Variants in CNTN6 observed in about 807,000 individuals in gnomAD.
The protein encoded by CNTN6 is contactin-6.
A neutral mutation model predicts 122.8 loss-of-function variants in CNTN6; 137 were observed. The ratio of observed to expected loss-of-function variants is 1.12; its 90% confidence interval spans 0.97 to 1.29. The LOEUF (loss-of-function observed/expected upper bound fraction) is 1.29, where lower values mean the gene tolerates loss of function less well. Ranked by LOEUF, CNTN6 falls within the 50% of genes most tolerant of loss-of-function variation. The pLI is 0.00. For missense variants in CNTN6, 1,634 were observed against 1,223.4 expected, an observed-to-expected ratio of 1.34 and a Z score of -5.01; for synonymous variants, 570 against 426.0, an observed-to-expected ratio of 1.34 and a Z score of -4.16.
At chr3:1,273,970 A>T (rs1441096038) in intron 4 of CNTN6, among the ~76,000 whole-genome samples, 1 of 152,202 alleles carries the variant, frequency 6.6e-6, no homozygotes, top group Non-Finnish European at 1.5e-5. Context: ...AGAGAATTCA[A>T]TCCAAAGCTT....
At chr3:1,203,800 A>G (rs1357235627) in intron 2 of CNTN6, among the ~76,000 whole-genome samples, 2 of 152,184 alleles carry the variant, frequency 1.3e-5, no homozygotes, top group Non-Finnish European at 2.9e-5. Flanking sequence ...GCACTGCATA[A>G]TAACATTTTG....
At chr3:1,211,127 T>C (rs544530136) in intron 2 of CNTN6, among the ~76,000 whole-genome samples, 1 of 152,222 alleles carries the variant, frequency 6.6e-6, no homozygotes, top group South Asian at 2.1e-4. Flanking sequence ...ATTAGACTTC[T>C]GCGGTAGAAG....
At chr3:1,137,519 T>A (rs568688007) in intron 1 of CNTN6, among the ~76,000 whole-genome samples, 1 of 152,338 alleles carries the variant, frequency 6.6e-6, no homozygotes, top group Admixed American at 6.5e-5. Flanking sequence ...TAGAAGTGTT[T>A]AAGAGGTCAT....
intron 1 of CNTN6, among the ~76,000 whole-genome samples, chr3:1,104,989 T>G (rs899875879): frequency 2.6e-5 from 4 of 152,154 alleles, no homozygotes; most frequent in Non-Finnish European, 5.9e-5. Context: ...CATATCCTTG[T>G]ACCTGAATCT....
intron 11 of CNTN6, among the ~76,000 whole-genome samples, chr3:1,330,576 C>T (rs1472942316): frequency 6.6e-6 from 1 of 151,844 alleles, no homozygotes; most frequent in Non-Finnish European, 1.5e-5. Context: ...GGTGACTAGA[C>T]CACAGATGCT....
chr3:1,260,757 C>T (rs2094832526), intron 4 of CNTN6, among the ~76,000 whole-genome samples: 1 of 151,892 alleles, frequency 6.6e-6, no homozygotes, highest in African/African-American at 2.4e-5. Context: ...TTTAAAGGGG[C>T]TTTTCTCCTT....
intron 20 of CNTN6, among the ~76,000 whole-genome samples, chr3:1,399,857 T>C (rs1357137457): frequency 6.6e-6 from 1 of 152,092 alleles, no homozygotes; most frequent in Non-Finnish European, 1.5e-5. Context: ...CAAGAATAAA[T>C]GTAAACCAAT....
intron 12 of CNTN6, among the ~76,000 whole-genome samples, chr3:1,369,904 G>T (rs1205259426): frequency 1.3e-5 from 2 of 149,436 alleles, no homozygotes; most frequent in Non-Finnish European, 3.0e-5. Context: ...AGTTTTTTAG[G>T]TCATACATTT....
rs1408345987 is a variant in CNTN6 at position 1,397,102 on chromosome 3, TA to T, written c.2705-4330del. On this transcript the variant is annotated intron_variant, in intron 20 of 22. Coordinates refer to ENST00000446702, the MANE Select transcript of CNTN6 (RefSeq NM_001289080.2). ...ATCATCCAGTCATCTACTCAAGAGA[TA>T]GTGCCTCCCATGAGCCATGCCTAGA... Among the ~76,000 whole-genome samples, 4 of 152,312 alleles carry T rather than the reference TA, an allele frequency of 2.6e-5. No homozygotes were observed. The East Asian group carries it at 7.7e-4, about 29-fold the overall frequency.
At chr3:1,249,173 C>A (rs1158609954) in intron 4 of CNTN6, among the ~76,000 whole-genome samples, 1 of 152,104 alleles carries the variant, frequency 6.6e-6, no homozygotes, top group Non-Finnish European at 1.5e-5. Context: ...TAGGGGTCAA[C>A]ACAAGGTGAT....
Position 1,382,985 on chromosome 3 carries a change from T to G in CNTN6, c.2210T>G (p.Ile737Ser). The G allele has an allele frequency of 6.2e-7, 1 of 1,614,072 alleles. No homozygotes were observed. Among genetic ancestry groups the G allele is most frequent in the Non-Finnish European group, 8.5e-7 (1 of 1,179,932 alleles). ...CAGAATGGGGAGGGATTTGGATATA[T>G]CATCATGTTCCGGCCAGTGGGCTCG... ...ELQNGEGFGY[I>S]IMFRPVGSTT... Residue 737 changes from isoleucine to serine, a missense_variant, in exon 18 of 23, where the codon ATC (isoleucine) becomes AGC (serine). By Grantham distance (142) the Ile-to-Ser change is moderately radical. Coordinates refer to ENST00000446702, the MANE Select transcript of CNTN6 (RefSeq NM_001289080.2).
chr3:1,250,575 A>C (rs906102702), intron 4 of CNTN6, among the ~76,000 whole-genome samples: 1 of 152,172 alleles, frequency 6.6e-6, no homozygotes, highest in African/African-American at 2.4e-5. Flanking sequence ...TCCTGTGTAC[A>C]TAAGGCAGCA....
intron 4 of CNTN6, among the ~76,000 whole-genome samples, chr3:1,277,101 C>T (rs1692509201): frequency 6.6e-6 from 1 of 152,094 alleles, no homozygotes. Flanking sequence ...TCTGGTTAGA[C>T]AAGCATGTTT....
chr3:1,104,801 G>C (rs1168216634), intron 1 of CNTN6, among the ~76,000 whole-genome samples: 1 of 152,030 alleles, frequency 6.6e-6, no homozygotes, highest in Non-Finnish European at 1.5e-5. Flanking sequence ...TAATGCATAT[G>C]TTCTGCTTTA....
At chr3:1,118,284 G>A (rs1170162447) in intron 1 of CNTN6, among the ~76,000 whole-genome samples, 1 of 152,122 alleles carries the variant, frequency 6.6e-6, no homozygotes, top group African/African-American at 2.4e-5. Flanking sequence ...GGTGAGGAGC[G>A]GGGCTAGGGA....
intron 2 of CNTN6, among the ~76,000 whole-genome samples, chr3:1,158,991 G>T (rs1316345735): frequency 5.2e-5 from 7 of 135,536 alleles, no homozygotes; most frequent in Non-Finnish European, 1.1e-4. Context: ...TATAGACAAG[G>T]TCTTGCTAAT....
At chr3:1,333,348 C>T (rs148254946) in intron 11 of CNTN6, among the ~76,000 whole-genome samples, 55 of 152,136 alleles carry the variant, frequency 3.6e-4, no homozygotes, top group Middle Eastern at 3.4e-3. Context: ...AAACACAGAA[C>T]GCTGAGCCCA....
intron 1 of CNTN6, among the ~76,000 whole-genome samples, chr3:1,120,192 T>C (rs1280135330): frequency 6.6e-6 from 1 of 152,036 alleles, no homozygotes; most frequent in African/African-American, 2.4e-5. Flanking sequence ...TAAGAGCAAT[T>C]CTTTGGGTAG....
chr3:1,269,837 G>GA (rs1410365715), intron 4 of CNTN6, among the ~76,000 whole-genome samples: 5 of 151,916 alleles, frequency 3.3e-5, no homozygotes, highest in Non-Finnish European at 7.4e-5. Context: ...TATATTCCCA[G>GA]AAAAACAAGA....
Sources: allele counts gnomAD v4.1 joint callset (sites outside exome capture counted in the v4.1 genomes callset), GRCh38; gene constraint gnomAD v4.1.1; transcripts MANE v1.5; gene names NCBI Gene and HGNC (gene_info 2026-07-23, HGNC 2026-07-21).